The following PIEZO2 variants were observed in gnomAD, a reference collection of about 807,000 sequenced individuals.
PIEZO2 encodes the protein piezo-type mechanosensitive ion channel component 2.
Under a neutral mutation model 337.3 loss-of-function variants are expected in PIEZO2, and 172 were observed. The observed-to-expected ratio is 0.51, with a 90% CI of 0.45 to 0.58. The LOEUF (loss-of-function observed/expected upper bound fraction) is 0.58, where lower values mean the gene tolerates loss of function less well. Among genes scored for constraint, PIEZO2 ranks in the 20% least tolerant of loss-of-function variants. The pLI, the probability that PIEZO2 is intolerant of heterozygous loss-of-function variation, is 0.00. For synonymous variants in PIEZO2, 1,251 were observed against 1,228.5 expected (o/e 1.02, Z -0.38); for missense variants, 3,028 against 3,391.3 (o/e 0.89, Z 2.66).
chr18:10,691,785 ATAT>A, intron 47 of PIEZO2, among the ~76,000 whole-genome samples: 2 of 21,254 alleles, frequency 9.4e-5, no homozygotes, highest in South Asian at 2.7e-3. Context: ...ACACACACAT[ATAT>A]ATATATATAT....
At position 11,075,187 on chromosome 18, in the gene PIEZO2, C is replaced by T. The variant is rs142243387; in HGVS notation, c.65-8965G>A. Among the ~76,000 whole-genome samples, 909 of 152,232 alleles carry T rather than the reference C, an allele frequency of 6.0e-3. 7 individuals carry two copies. Among genetic ancestry groups the T allele is most frequent in the African/African-American group, 0.019 (789 of 41,534 alleles). Reference sequence around the variant, plus strand: ...CTGTCGGTCCAGTAATTCTAGAAATCGTTTGTATCTTTAATAATTTTCTTT... The same window carrying T: ...CTGTCGGTCCAGTAATTCTAGAAATTGTTTGTATCTTTAATAATTTTCTTT... On this transcript the variant is annotated intron_variant, in intron 1 of 55. Transcript: ENST00000674853.
At chr18:11,036,563 T>C (rs1175616060) in intron 2 of PIEZO2, among the ~76,000 whole-genome samples, 2 of 151,826 alleles carry the variant, frequency 1.3e-5, no homozygotes, top group African/African-American at 4.8e-5. Context: ...TAAAATAAGA[T>C]ATAAATAAAG....
chr18:10,855,634 G>T lies in PIEZO2; in HGVS notation c.704-68C>A. ...AATTCACTTATCATTCAGTGAATGT[G>T]ACTATTTGAAATTATGTGAATTTCC... On this transcript the variant is annotated intron_variant, in intron 6 of 55. Coordinates refer to ENST00000674853, the MANE Select transcript of PIEZO2 (RefSeq NM_001378183.1). The surrounding 1 kb of genome is among the most constrained non-coding windows in gnomAD (Gnocchi z 4.9). The T allele has an allele frequency of 8.2e-7, 1 of 1,218,684 alleles. No individual in the cohort carries two copies. The highest frequency in any genetic ancestry group is 1.1e-6 in the Non-Finnish European group (1 of 882,064). 75.5% of individuals were successfully genotyped at this position (1,218,684 alleles called of 1,614,324 possible).
At chr18:10,977,063 T>C (rs1348854900) in intron 3 of PIEZO2, among the ~76,000 whole-genome samples, 1 of 150,080 alleles carries the variant, frequency 6.7e-6, no homozygotes, top group Admixed American at 6.6e-5. Flanking sequence ...CTGTCTATAC[T>C]CTGTGGAGGA....
At chr18:10,741,212 T>A in intron 32 of PIEZO2, 110 bp from the exon 33 acceptor site, 2 of 921,426 alleles carry the variant, frequency 2.2e-6, no homozygotes, top group African/African-American at 1.7e-5. Flanking sequence ...CAAAAGTATA[T>A]CAGAGGTCAG....
Position 10,748,448 on chromosome 18 carries a change from C to T in PIEZO2, c.4424+23G>A, listed in dbSNP as rs1473249132. The T allele has an allele frequency of 1.3e-6, 2 of 1,535,292 alleles. No individual in the cohort carries two copies. Among genetic ancestry groups the T allele is most frequent in the African/African-American group, 1.4e-5 (1 of 72,920 alleles). On this transcript the variant is annotated intron_variant, in intron 30 of 55. Transcript: ENST00000674853. The surrounding 1 kb of genome is among the most constrained non-coding windows in gnomAD (Gnocchi z 5.1). Reference sequence around the variant, plus strand: ...CAGGCAAGTTTCCTGGGAGAAACCACCTGATTTCATGGCCTGACCCACCTT... The same window carrying T: ...CAGGCAAGTTTCCTGGGAGAAACCATCTGATTTCATGGCCTGACCCACCTT...
In PIEZO2 at chr18:10,795,351, A is replaced by ATTTTATTATTTTATT. The variant is rs1555648418; in HGVS notation, c.1528-350_1528-349insAATAAAATAATAAAA. On this transcript the variant is annotated intron_variant, in intron 12 of 55. Coordinates refer to ENST00000674853, the MANE Select transcript of PIEZO2 (RefSeq NM_001378183.1). This position sits in a 1 kb window ranked among gnomAD's most constrained non-coding sequence, Gnocchi z 4.4. ...ATTTTATTTTATTTTATTTTATTTT[A>ATTTTATTATTTTATT]TTATTTTATTTTATTTTATTTTATT... 7.3e-4 allele frequency among the ~76,000 whole-genome samples: 15 copies of ATTTTATTATTTTATT among 20,512 alleles called. No individual in the cohort carries two copies. The highest frequency in any genetic ancestry group is 8.1e-3 in the East Asian group (1 of 124). 13.5% of individuals were successfully genotyped at this position (20,512 alleles called of 152,430 possible). A position where few individuals can be genotyped will look rare whatever the true frequency, so the allele number is the denominator to read the frequency against.
At chr18:10,875,630 C>T (rs1050238037) in intron 4 of PIEZO2, among the ~76,000 whole-genome samples, 1 of 152,034 alleles carries the variant, frequency 6.6e-6, no homozygotes, top group South Asian at 2.1e-4. Flanking sequence ...CAAGTACAGT[C>T]GAGAGAAAAA....
intron 3 of PIEZO2, among the ~76,000 whole-genome samples, chr18:10,977,001 A>G (rs1872028): frequency 0.038 from 5,473 of 142,844 alleles, 197 homozygotes; most frequent in African/African-American, 0.082. Context: ...AAGAACAAAT[A>G]TGTGTGTGTG....
intron 21 of PIEZO2, chr18:10,769,727 GA>G (rs2038518567): frequency 6.4e-6 from 1 of 156,558 alleles, no homozygotes; most frequent in African/African-American, 2.4e-5. Context: ...TGTATCTCAA[GA>G]AATCCAGTAG....
At chr18:10,883,215 C>T (rs2042473412) in intron 4 of PIEZO2, among the ~76,000 whole-genome samples, 1 of 152,074 alleles carries the variant, frequency 6.6e-6, no homozygotes, top group Non-Finnish European at 1.5e-5. Flanking sequence ...GTATATAGTG[C>T]TGAAATAAAC....
At chr18:11,053,124 C>G (rs2037590077) in intron 2 of PIEZO2, among the ~76,000 whole-genome samples, 1 of 152,052 alleles carries the variant, frequency 6.6e-6, no homozygotes, top group Non-Finnish European at 1.5e-5. Context: ...AGTAACAGCT[C>G]CCTTAAACGT....
chr18:11,030,098 T>C (rs1039774205), intron 2 of PIEZO2, among the ~76,000 whole-genome samples: 1 of 152,190 alleles, frequency 6.6e-6, no homozygotes, highest in East Asian at 1.9e-4. Context: ...ATGATCTTTC[T>C]AAAGAATTTT....
At chr18:11,019,065 T>C (rs1255728724) in intron 2 of PIEZO2, among the ~76,000 whole-genome samples, 1 of 152,132 alleles carries the variant, frequency 6.6e-6, no homozygotes, top group East Asian at 1.9e-4. Context: ...CTGCTGGTTC[T>C]TACCTCCACG....
rs555107709 is a variant in PIEZO2, at chr18:11,048,254, T to C, written c.160+17873A>G. On this transcript the variant is annotated intron_variant, in intron 2 of 55. Transcript: ENST00000674853. The surrounding 1 kb of genome is among the most constrained non-coding windows in gnomAD (Gnocchi z 4.5). ...TAGGCAAAATTAACTTTTTAAAAAA[T>C]GGAGAAAGGGAAGAGGGAAAGAAGA... Among the ~76,000 whole-genome samples the C allele has an allele frequency of 6.6e-6, 1 of 151,946 alleles. No individual in the cohort carries two copies. Among genetic ancestry groups the C allele is most frequent in the Non-Finnish European group, 1.5e-5 (1 of 68,000 alleles).
intron 26 of PIEZO2, among the ~76,000 whole-genome samples, chr18:10,758,858 A>T (rs372694694): frequency 1.3e-5 from 2 of 152,328 alleles, no homozygotes; most frequent in East Asian, 1.9e-4. Flanking sequence ...GCAACTGCCC[A>T]CAAAGGGCTG....
rs1303093474 is a variant in PIEZO2, at chr18:11,031,356, C to A, written c.160+34771G>T. ...TTTCATAACCTTACAGTTGTCTCCC[C>A]AGAAAACACATTTCCTACGTCATTA... On this transcript the variant is annotated intron_variant, in intron 2 of 55. Coordinates refer to ENST00000674853, the MANE Select transcript of PIEZO2 (RefSeq NM_001378183.1). This position sits in a 1 kb window ranked among gnomAD's most constrained non-coding sequence, Gnocchi z 4.7. 1.3e-5 allele frequency among the ~76,000 whole-genome samples: 2 copies of A among 151,842 alleles called. No individual in the cohort carries two copies. The highest frequency in any genetic ancestry group is 2.9e-5 in the Non-Finnish European group (2 of 67,964).
intron 2 of PIEZO2, among the ~76,000 whole-genome samples, chr18:11,024,949 T>C (rs1484686861): frequency 1.3e-5 from 2 of 152,036 alleles, no homozygotes; most frequent in Non-Finnish European, 2.9e-5. Context: ...AAGGTTTTTT[T>C]TTTTTTTAAA....
intron 47 of PIEZO2, among the ~76,000 whole-genome samples, chr18:10,691,822 A>G (rs2034861798): frequency 9.2e-6 from 1 of 108,300 alleles, no homozygotes; most frequent in Non-Finnish European, 1.9e-5. Context: ...GAGAGGATCC[A>G]TTTGGAATAT....
Sources: allele counts gnomAD v4.1 joint callset (sites outside exome capture counted in the v4.1 genomes callset), GRCh38; gene constraint gnomAD v4.1.1; non-coding constraint Gnocchi (gnomAD v3.1); transcripts MANE v1.5; gene names NCBI Gene and HGNC (gene_info 2026-07-23, HGNC 2026-07-21).